Variants in PCDHGB7 observed in about 807,000 individuals in gnomAD.
The protein encoded by PCDHGB7 is protocadherin gamma-B7.
Under a neutral mutation model 61.4 loss-of-function variants are expected in PCDHGB7, and 37 were observed. The observed-to-expected ratio is 0.60, with a 90% CI of 0.46 to 0.79. The LOEUF (loss-of-function observed/expected upper bound fraction) is 0.79. Among genes scored for constraint, PCDHGB7 ranks in the 30% least tolerant of loss-of-function variants. PCDHGB7 has a pLI of 0.00. For missense variants in PCDHGB7, 1,166 were observed against 1,202.5 expected (o/e 0.97, Z 0.45); for synonymous variants, 464 against 503.5 (o/e 0.92, Z 1.05).
chr5:141,440,878 C>A (rs1359689557), intron 1 of PCDHGB7: 1 of 152,146 alleles, frequency 6.6e-6, no homozygotes, highest in Non-Finnish European at 1.5e-5. Context: ...TGTACAGCGT[C>A]GGCCTTCAGG....
intron 1 of PCDHGB7, chr5:141,478,354 C>T (rs141625672): frequency 1.2e-6 from 2 of 1,613,778 alleles, no homozygotes; most frequent in Non-Finnish European, 8.5e-7. Context: ...ACGCGGACGC[C>T]GTGCGGGGAG....
At chr5:141,435,575 C>T (rs1054936213) in intron 1 of PCDHGB7, among the ~76,000 whole-genome samples, 2 of 152,088 alleles carry the variant, frequency 1.3e-5, no homozygotes, top group South Asian at 2.1e-4. Context: ...AGTACTGGGG[C>T]AAATTTGCAG....
chr5:141,495,005 C>T (rs555909709), intron 2 of PCDHGB7, 140 bp downstream of exon 2: 1,141 of 1,522,692 alleles, frequency 7.5e-4, no homozygotes, highest in Non-Finnish European at 8.4e-4. Context: ...TCTTGGTGTG[C>T]GGGGGGCTGG....
intron 1 of PCDHGB7, among the ~76,000 whole-genome samples, chr5:141,454,261 A>T (rs183133499): frequency 1.3e-5 from 2 of 152,364 alleles, no homozygotes; most frequent in South Asian, 2.1e-4. Flanking sequence ...CAGAGAAAGT[A>T]ATGCCAGCAA....
Position 141,431,248 on chromosome 5 carries a change from G to A in PCDHGB7, c.2415+10974G>A. ...CCCACGCCTGGGATCCGGATATCGGGAAGAACTCTCTGCAGAGCTACGAGC... is the reference window on the plus strand; with the variant it reads ...CCCACGCCTGGGATCCGGATATCGGAAAGAACTCTCTGCAGAGCTACGAGC... On this transcript the variant is annotated intron_variant, in intron 1 of 3. Transcript: ENST00000398594. This position sits in a 1 kb window ranked among gnomAD's most constrained non-coding sequence, Gnocchi z 4.8. 2 of 1,614,140 alleles carry A rather than the reference G, an allele frequency of 1.2e-6. No homozygotes were observed. Among genetic ancestry groups the A allele is most frequent in the Non-Finnish European group, 1.7e-6 (2 of 1,180,048 alleles).
chr5:141,496,981 T>A (rs928774783), intron 2 of PCDHGB7, among the ~76,000 whole-genome samples: 1 of 150,304 alleles, frequency 6.7e-6, no homozygotes, highest in African/African-American at 2.5e-5. Context: ...AGGTCAGGGG[T>A]TTGAGACCAG....
intron 1 of PCDHGB7, among the ~76,000 whole-genome samples, chr5:141,460,418 G>C (rs905215023): frequency 3.3e-5 from 5 of 152,096 alleles, no homozygotes; most frequent in Admixed American, 6.5e-5. Flanking sequence ...TGATGTTTAT[G>C]TATGGTGTAT....
In PCDHGB7 at chr5:141,430,592, C is replaced by G; in HGVS notation, c.2415+10318C>G. The G allele has an allele frequency of 9.2e-6, 5 of 544,570 alleles. No individual in the cohort carries two copies. In the South Asian group the frequency reaches 3.1e-4, roughly 34 times the overall value. The allele number at this position is 544,570 out of a possible 1,614,324, so 33.7% of individuals were successfully genotyped here. ...AAGCGGAGATCCTGCTCGCCTTGCACGCGCCTGAAGCACAAAGCAGATAGC... is the reference window on the plus strand; with the variant it reads ...AAGCGGAGATCCTGCTCGCCTTGCAGGCGCCTGAAGCACAAAGCAGATAGC... On this transcript the variant is annotated intron_variant, in intron 1 of 3. Coordinates refer to ENST00000398594, the MANE Select transcript of PCDHGB7 (RefSeq NM_018927.4).
chr5:141,481,780 C>T (rs781334437), intron 1 of PCDHGB7, among the ~76,000 whole-genome samples: 3 of 152,016 alleles, frequency 2.0e-5, no homozygotes, highest in African/African-American at 7.2e-5. Flanking sequence ...GGTGAAACCC[C>T]GTCTCTACTA....
chr5:141,419,680 C>T lies in PCDHGB7; in HGVS notation c.1821C>T (p.His607=), dbSNP rs757026598. 9.3e-6 allele frequency: 15 copies of T among 1,612,946 alleles called. No homozygotes were observed. The highest frequency in any genetic ancestry group is 1.3e-5 in the Non-Finnish European group (15 of 1,179,642). Residue 607 remains histidine (H), a synonymous_variant, in exon 1 of 4, where the codon CAC becomes CAT. Coordinates refer to ENST00000398594, the MANE Select transcript of PCDHGB7 (RefSeq NM_018927.4). The part of the protein sequence containing the change: ...DSGHNAWLSY[H]VVQASEPGLF... ...GGCACAATGCCTGGCTGTCCTACCA[C>T]GTGGTGCAGGCCAGTGAGCCCGGGC... is the stretch of plus-strand genomic sequence containing the variant.
Position 141,491,094 on chromosome 5 carries a change from G to T in PCDHGB7, c.2416-3713G>T. ...TGCCACAGTCCACAGCCCCAGGACT[G>T]TTCCTCGTGTCTACACACACTGGTG... On this transcript the variant is annotated intron_variant, in intron 1 of 3. Transcript: ENST00000398594. This position sits in a 1 kb window ranked among gnomAD's most constrained non-coding sequence, Gnocchi z 6.9. The T allele has an allele frequency of 6.2e-7, 1 of 1,614,202 alleles. No homozygotes were observed. The highest frequency in any genetic ancestry group is 1.1e-5 in the South Asian group (1 of 91,086).
intron 1 of PCDHGB7, among the ~76,000 whole-genome samples, chr5:141,463,545 T>C (rs1433047951): frequency 6.8e-6 from 1 of 146,704 alleles, no homozygotes; most frequent in East Asian, 2.1e-4. Flanking sequence ...GGCTCCCGGG[T>C]TCATGCCATT....
intron 1 of PCDHGB7, chr5:141,468,351 A>G (rs1030472813): frequency 6.7e-6 from 1 of 149,192 alleles, no homozygotes; most frequent in Non-Finnish European, 1.5e-5. Context: ...AAAAAAAAAG[A>G]AAGAAAAAAG....
rs532907359 is a variant in PCDHGB7, at chr5:141,500,353, C to T, written c.2475-5040C>T. 1.9e-4 allele frequency among the ~76,000 whole-genome samples: 29 copies of T among 152,052 alleles called. No homozygotes were observed. The East Asian group carries it at 5.2e-3, about 27-fold the overall frequency. The stretch of plus-strand genomic sequence containing the variant: ...CCTCCAGAATAGCTGGGACTACAGG[C>T]GCCCACTACCACGCCCGGCTAATTA... On this transcript the variant is annotated intron_variant, in intron 2 of 3. Transcript: ENST00000398594.
At chr5:141,494,644 G>A in intron 1 of PCDHGB7, 163 bp from the exon 2 acceptor site, 1 of 933,684 alleles carries the variant, frequency 1.1e-6, no homozygotes. Flanking sequence ...TGAGACCTGA[G>A]GTGTATTTTG....
intron 1 of PCDHGB7, chr5:141,427,842 C>A: frequency 6.5e-7 from 1 of 1,549,268 alleles, no homozygotes. Flanking sequence ...TGCCTTCGAC[C>A]ACGAGCAGCT....
chr5:141,432,506 G>A lies in PCDHGB7; in HGVS notation c.2415+12232G>A. 3 of 1,614,140 alleles carry A rather than the reference G, an allele frequency of 1.9e-6. No homozygotes were observed. Among genetic ancestry groups the A allele is most frequent in the Non-Finnish European group, 2.5e-6 (3 of 1,180,036 alleles). On this transcript the variant is annotated intron_variant, in intron 1 of 3. Transcript: ENST00000398594. This position sits in a 1 kb window ranked among gnomAD's most constrained non-coding sequence, Gnocchi z 6.0. ...CGTGGAGCTGGCTCCCCGCTCCGCA[G>A]AGCCCGGCTACCTGGTGACCAAGGT... is the stretch of plus-strand genomic sequence containing the variant.
chr5:141,448,190 C>T (rs1426828578), intron 1 of PCDHGB7, among the ~76,000 whole-genome samples: 1 of 152,118 alleles, frequency 6.6e-6, no homozygotes, highest in Non-Finnish European at 1.5e-5. Flanking sequence ...GTTATGTACA[C>T]TTACAAACAT....
Position 141,418,471 on chromosome 5 carries a change from G to T in PCDHGB7, c.612G>T (p.Thr204=), listed in dbSNP as rs199547102. 57 of 1,614,002 alleles carry T rather than the reference G, an allele frequency of 3.5e-5. No homozygotes were observed. In the African/African-American group the frequency reaches 5.7e-4, roughly 16 times the overall value. ...TGCAGAAGACTCTGGACCGAGAAACGCAGAGCGCTCACCACTTGGTACTGA... is the reference window on the plus strand; with the variant it reads ...TGCAGAAGACTCTGGACCGAGAAACTCAGAGCGCTCACCACTTGGTACTGA... ...LVLQKTLDRE[T]QSAHHLVLTA... Residue 204 remains threonine (T), a synonymous_variant, in exon 1 of 4, where the codon ACG becomes ACT. Coordinates refer to ENST00000398594, the MANE Select transcript of PCDHGB7 (RefSeq NM_018927.4).
Sources: allele counts gnomAD v4.1 joint callset (sites outside exome capture counted in the v4.1 genomes callset), GRCh38; gene constraint gnomAD v4.1.1; non-coding constraint Gnocchi (gnomAD v3.1); transcripts MANE v1.5; gene names NCBI Gene and HGNC (gene_info 2026-07-23, HGNC 2026-07-21).